TMEM119: variants seen among roughly 807,000 people sequenced by gnomAD.
TMEM119 encodes transmembrane protein 119.
For synonymous variants in TMEM119, 182 were observed against 176.4 expected, an observed-to-expected ratio of 1.03 and a Z score of -0.25; for missense variants, 410 against 381.0, an observed-to-expected ratio of 1.08 and a Z score of -0.63.
Position 108,591,101 on chromosome 12 carries a change from G to A in TMEM119, c.*431C>T, listed in dbSNP as rs1231593097. 1 of 158,988 alleles carries A rather than the reference G, an allele frequency of 6.3e-6. No homozygotes were observed. The highest frequency in any genetic ancestry group is 1.4e-5 in the Non-Finnish European group (1 of 72,988). The allele number at this position is 158,988 out of a possible 1,614,324, so 9.8% of individuals were successfully genotyped here. On this transcript the variant is annotated 3_prime_UTR_variant, in exon 2 of 2. Transcript: ENST00000392806. This position sits in a 1 kb window ranked among gnomAD's most constrained non-coding sequence, Gnocchi z 4.2. ...TGGCTGATTTAGTGGACTGTTTTTT[G>A]TTTTTATAGAGATGGGTCTCACAAT...
At position 108,591,995 on chromosome 12, in the gene TMEM119, G is replaced by A. The variant is rs1389003638; in HGVS notation, c.389C>T (p.Ser130Leu). ...CACGTACTTCTTCTTGGGGAAGGAC[G>A]ATGGGTAATAGGCCGAGGCCTTCTG... ...QKQKASAYYP[S>L]SFPKKKYVDQ... Residue 130 changes from serine (S) to leucine (L), a missense_variant, in exon 2 of 2, where the codon TCG becomes TTG. Physicochemically the swap from Ser to Leu is moderately radical, Grantham distance 145. Coordinates refer to ENST00000392806, the MANE Select transcript of TMEM119 (RefSeq NM_181724.3). This position sits in a 1 kb window ranked among gnomAD's most constrained non-coding sequence, Gnocchi z 4.2. The A allele has an allele frequency of 4.3e-6, 7 of 1,613,622 alleles. No homozygotes were observed. Among genetic ancestry groups the A allele is most frequent in the Admixed American group, 1.7e-5 (1 of 59,942 alleles).
chr12:108,593,891 G>C (rs188289897), intron 1 of TMEM119, among the ~76,000 whole-genome samples: 1 of 152,342 alleles, frequency 6.6e-6, no homozygotes, highest in African/African-American at 2.4e-5. Flanking sequence ...ACCCCTGCCC[G>C]GCCCAGCAGA....
rs371896042 is a variant in TMEM119 at position 108,591,773 on chromosome 12, C to A, written c.611G>T (p.Gly204Val). The A allele has an allele frequency of 1.3e-6, 2 of 1,594,598 alleles. No individual in the cohort carries two copies. The highest frequency in any genetic ancestry group is 1.7e-6 in the Non-Finnish European group (2 of 1,169,534). ...GDGARMVEGR[G>V]AEEEEKGSQE... Reference sequence around the variant, plus strand: ...GCTGCCCTTCTCCTCTTCCTCTGCGCCCCTGCCCTCCACCATCCTGGCTCC... The same window carrying A: ...GCTGCCCTTCTCCTCTTCCTCTGCGACCCTGCCCTCCACCATCCTGGCTCC... Residue 204 changes from glycine to valine, a missense_variant, in exon 2 of 2, where the codon GGC becomes GTC. Physicochemically the swap from Gly to Val is moderately radical, Grantham distance 109. Coordinates refer to ENST00000392806, the MANE Select transcript of TMEM119 (RefSeq NM_181724.3). This position sits in a 1 kb window ranked among gnomAD's most constrained non-coding sequence, Gnocchi z 4.2.
rs1592804659 is a variant in TMEM119 at position 108,591,472 on chromosome 12, T to A, written c.*60A>T. On this transcript the variant is annotated 3_prime_UTR_variant, in exon 2 of 2. Transcript: ENST00000392806. The surrounding 1 kb of genome is among the most constrained non-coding windows in gnomAD (Gnocchi z 4.2). ...GCAGTCAGGGCTGAAGGCCTTTTCA[T>A]ACACGGGGAGGTGACCACTTGGGGG... 4.0e-6 allele frequency: 6 copies of A among 1,508,564 alleles called. No homozygotes were observed. In the East Asian group the frequency reaches 1.4e-4, roughly 35 times the overall value. 93.4% of individuals were successfully genotyped at this position (1,508,564 alleles called of 1,614,324 possible). A position where few individuals can be genotyped will look rare whatever the true frequency, so the allele number is the denominator to read the frequency against.
chr12:108,591,448 C>A lies in TMEM119; in HGVS notation c.*84G>T. 1 of 1,432,514 alleles carries A rather than the reference C, an allele frequency of 7.0e-7. No homozygotes were observed. The highest frequency in any genetic ancestry group is 9.3e-7 in the Non-Finnish European group (1 of 1,074,784). 88.7% of individuals were successfully genotyped at this position (1,432,514 alleles called of 1,614,324 possible). On this transcript the variant is annotated 3_prime_UTR_variant, in exon 2 of 2. Transcript: ENST00000392806. This position sits in a 1 kb window ranked among gnomAD's most constrained non-coding sequence, Gnocchi z 4.2. ...AGGCCAAGGAGGGAGTGTCAGGAAG[C>A]AGTCAGGGCTGAAGGCCTTTTCATA...
Position 108,589,920 on chromosome 12 carries a change from G to C in TMEM119, c.*1612C>G, listed in dbSNP as rs1237253825. On this transcript the variant is annotated 3_prime_UTR_variant, in exon 2 of 2. Transcript: ENST00000392806. ...CTGGAGAGCTGTGCAGAGGTTGGGGGAGCCCCAGATGGAGGGATGGGGGAG... is the reference window on the plus strand; with the variant it reads ...CTGGAGAGCTGTGCAGAGGTTGGGGCAGCCCCAGATGGAGGGATGGGGGAG... 2.0e-5 allele frequency: 3 copies of C among 152,484 alleles called. No individual in the cohort carries two copies. The highest frequency in any genetic ancestry group is 7.2e-5 in the African/African-American group (3 of 41,458). The allele number at this position is 152,484 out of a possible 1,614,324, so 9.4% of individuals were successfully genotyped here. A position where few individuals can be genotyped will look rare whatever the true frequency, so the allele number is the denominator to read the frequency against.
In TMEM119 at chr12:108,596,649, C is replaced by T. The variant is rs138191242; in HGVS notation, c.-15+1321G>A. On this transcript the variant is annotated intron_variant, in intron 1 of 1. Coordinates refer to ENST00000392806, the MANE Select transcript of TMEM119 (RefSeq NM_181724.3). ...AAAAAGATGGTTGTGTGGCCCTGGACGGCCCCTGCCCTCTCTGGGCCTCAG... is the reference window on the plus strand; with the variant it reads ...AAAAAGATGGTTGTGTGGCCCTGGATGGCCCCTGCCCTCTCTGGGCCTCAG... Among the ~76,000 whole-genome samples, 332 of 152,354 alleles carry T rather than the reference C, an allele frequency of 2.2e-3. 1 individual carries two copies. Among genetic ancestry groups the T allele is most frequent in the African/African-American group, 7.0e-3 (293 of 41,578 alleles).
intron 1 of TMEM119, among the ~76,000 whole-genome samples, chr12:108,593,523 G>A (rs1399928759): frequency 6.6e-6 from 1 of 152,148 alleles, no homozygotes; most frequent in Non-Finnish European, 1.5e-5. Context: ...TGGATGCCAG[G>A]GGCATGCATG....
Position 108,591,645 on chromosome 12 carries a change from C to T in TMEM119, c.739G>A (p.Gly247Ser), listed in dbSNP as rs780315704. Residue 247 changes from glycine to serine, a missense_variant, in exon 2 of 2, where the codon GGT (glycine) becomes AGT (serine). Coordinates refer to ENST00000392806, the MANE Select transcript of TMEM119 (RefSeq NM_181724.3). The surrounding 1 kb of genome is among the most constrained non-coding windows in gnomAD (Gnocchi z 4.2). ...CCTTCCAGCTCCCCTTGGCCCTCAC[C>T]GGCCACCACAGCCCCCTCAAGGACC... The part of the protein sequence containing the change: ...SGVLEGAVVA[G>S]EGQGELEGSL... 11 of 1,613,836 alleles carry T rather than the reference C, an allele frequency of 6.8e-6. No homozygotes were observed. Among genetic ancestry groups the T allele is most frequent in the East Asian group, 2.2e-5 (1 of 44,886 alleles).
At position 108,591,869 on chromosome 12, in the gene TMEM119, A is replaced by T. The variant is rs760725692; in HGVS notation, c.515T>A (p.Leu172His). ...PEEALDSSRQ[L>H]QADILAATQN... ...GGTGGCGGCCAAGATGTCGGCCTGG[A>T]GCTGCCGGGAGGAATCCAGGGCTTC... Residue 172 changes from leucine (L) to histidine (H), a missense_variant, in exon 2 of 2, where the codon CTC (leucine) becomes CAC (histidine). Physicochemically the swap from Leu to His is moderately conservative, Grantham distance 99. Transcript: ENST00000392806. This position sits in a 1 kb window ranked among gnomAD's most constrained non-coding sequence, Gnocchi z 4.2. 3 of 1,608,108 alleles carry T rather than the reference A, an allele frequency of 1.9e-6. No individual in the cohort carries two copies. The highest frequency in any genetic ancestry group is 2.5e-6 in the Non-Finnish European group (3 of 1,177,408).
Position 108,591,911 on chromosome 12 carries a change from G to T in TMEM119, c.473C>A (p.Pro158His). 6.2e-7 allele frequency: 1 copy of T among 1,613,240 alleles called. No individual in the cohort carries two copies. The highest frequency in any genetic ancestry group is 1.1e-5 in the South Asian group (1 of 91,060). ...CAGGGCTTCCTCGGGCCTGCTGTCGGGGGCTCTGTCGGGGACCTCACTGAA... is the reference window on the plus strand; with the variant it reads ...CAGGGCTTCCTCGGGCCTGCTGTCGTGGGCTCTGTCGGGGACCTCACTGAA... Reference protein sequence around the residue: ...RAFSEVPDRAPDSRPEEALDS... With the variant: ...RAFSEVPDRAHDSRPEEALDS... The change falls in exon 2 of 2, where the codon CCC becomes CAC. Residue 158 changes from proline (P) to histidine (H), a missense_variant. Coordinates refer to ENST00000392806, the MANE Select transcript of TMEM119 (RefSeq NM_181724.3). The surrounding 1 kb of genome is among the most constrained non-coding windows in gnomAD (Gnocchi z 4.2).
intron 1 of TMEM119, among the ~76,000 whole-genome samples, chr12:108,596,246 C>T (rs905639080): frequency 1.3e-5 from 2 of 152,116 alleles, no homozygotes; most frequent in Non-Finnish European, 2.9e-5. Context: ...GCACCATCGC[C>T]GGATGGGAAC....
intron 1 of TMEM119, among the ~76,000 whole-genome samples, chr12:108,595,403 C>CCA (rs756201806): frequency 1.4e-5 from 2 of 143,534 alleles, no homozygotes; most frequent in African/African-American, 2.6e-5. Flanking sequence ...CACACACATA[C>CCA]CACACACACA....
Position 108,591,710 on chromosome 12 carries a change from G to A in TMEM119, c.674C>T (p.Pro225Leu), listed in dbSNP as rs763961410. 119 of 1,612,548 alleles carry A rather than the reference G, an allele frequency of 7.4e-5. 1 individual carries two copies. In the East Asian group the frequency reaches 2.6e-3, roughly 35 times the overall value. ...GDQEVQGHGVPVETPEAQEEP... is the reference protein window; with the variant it reads ...GDQEVQGHGVLVETPEAQEEP... ...CTCCTGCGCCTCTGGTGTCTCCACT[G>A]GGACCCCATGTCCCTGGACTTCCTG... Residue 225 changes from proline to leucine, a missense_variant, in exon 2 of 2, where the codon CCA (proline) becomes CTA (leucine). Pro to Leu is a moderately conservative substitution (Grantham distance 98). Coordinates refer to ENST00000392806, the MANE Select transcript of TMEM119 (RefSeq NM_181724.3). The surrounding 1 kb of genome is among the most constrained non-coding windows in gnomAD (Gnocchi z 4.2).
At position 108,591,753 on chromosome 12, in the gene TMEM119, C is replaced by T. The variant is rs1329176696; in HGVS notation, c.631G>A (p.Gly211Ser). Residue 211 changes from glycine to serine, a missense_variant, in exon 2 of 2, where the codon GGC (glycine) becomes AGC (serine). By Grantham distance (56) the Gly-to-Ser change is moderately conservative (BLOSUM62 0). Coordinates refer to ENST00000392806, the MANE Select transcript of TMEM119 (RefSeq NM_181724.3). The surrounding 1 kb of genome is among the most constrained non-coding windows in gnomAD (Gnocchi z 4.2). ...ACTTCCTGGTCCCCCTCCTGGCTGCCCTTCTCCTCTTCCTCTGCGCCCCTG... is the reference window on the plus strand; with the variant it reads ...ACTTCCTGGTCCCCCTCCTGGCTGCTCTTCTCCTCTTCCTCTGCGCCCCTG... ...EGRGAEEEEK[G>S]SQEGDQEVQG... is the part of the protein sequence containing the mutation. The T allele has an allele frequency of 1.9e-6, 3 of 1,602,222 alleles. No individual in the cohort carries two copies. The highest frequency in any genetic ancestry group is 2.2e-5 in the East Asian group (1 of 44,726).
Position 108,592,108 on chromosome 12 carries a change from G to T in TMEM119, c.276C>A (p.Arg92=), listed in dbSNP as rs1477109609. ...NFLDGIVDFF[R]QYVMLIAVVG... is the part of the protein sequence containing the mutation. ...CCACAGCAATCAGCATCACGTACTG[G>T]CGGAAGAAGTCCACTATCCCATCCA... Residue 92 remains arginine (R), a synonymous_variant, in exon 2 of 2, where the codon CGC becomes CGA. Coordinates refer to ENST00000392806, the MANE Select transcript of TMEM119 (RefSeq NM_181724.3). This position sits in a 1 kb window ranked among gnomAD's most constrained non-coding sequence, Gnocchi z 4.3. 1 of 1,614,190 alleles carries T rather than the reference G, an allele frequency of 6.2e-7. No homozygotes were observed. The highest frequency in any genetic ancestry group is 1.7e-5 in the Admixed American group (1 of 60,036).
Position 108,591,777 on chromosome 12 carries a change from T to C in TMEM119, c.607A>G (p.Arg203Gly). 1 of 1,594,042 alleles carries C rather than the reference T, an allele frequency of 6.3e-7. No homozygotes were observed. The highest frequency in any genetic ancestry group is 8.6e-7 in the Non-Finnish European group (1 of 1,169,226). The change falls in exon 2 of 2, where the codon AGG (arginine) becomes GGG (glycine). Residue 203 changes from arginine to glycine, a missense_variant. Coordinates refer to ENST00000392806, the MANE Select transcript of TMEM119 (RefSeq NM_181724.3). This position sits in a 1 kb window ranked among gnomAD's most constrained non-coding sequence, Gnocchi z 4.2. Reference sequence around the variant, plus strand: ...CCCTTCTCCTCTTCCTCTGCGCCCCTGCCCTCCACCATCCTGGCTCCGTCC... The same window carrying C: ...CCCTTCTCCTCTTCCTCTGCGCCCCCGCCCTCCACCATCCTGGCTCCGTCC... ...GGDGARMVEG[R>G]GAEEEEKGSQ...
chr12:108,595,170 C>T (rs377566597), intron 1 of TMEM119, among the ~76,000 whole-genome samples: 11 of 152,024 alleles, frequency 7.2e-5, no homozygotes, highest in Middle Eastern at 3.2e-3. Context: ...GGAGTTTACA[C>T]GCACATTCAC....
rs1454299211 is a variant in TMEM119, at chr12:108,592,226, C to T, written c.158G>A (p.Ser53Asn). ...GGCCGGGGTCCAGGGTGGCGGGAGG[C>T]TCGGGGAGGAGGCCGACGAGCCCTC... ...EAEGSSASSP[S>N]LPPPWTPALS... The change falls in exon 2 of 2, where the codon AGC becomes AAC. Residue 53 changes from serine to asparagine, a missense_variant. By Grantham distance (46) the Ser-to-Asn change is conservative. Transcript: ENST00000392806. This position sits in a 1 kb window ranked among gnomAD's most constrained non-coding sequence, Gnocchi z 4.3. 3 of 1,611,762 alleles carry T rather than the reference C, an allele frequency of 1.9e-6. No individual in the cohort carries two copies. The highest frequency in any genetic ancestry group is 4.5e-5 in the East Asian group (2 of 44,834).
Sources: allele counts gnomAD v4.1 joint callset (sites outside exome capture counted in the v4.1 genomes callset), GRCh38; gene constraint gnomAD v4.1.1; non-coding constraint Gnocchi (gnomAD v3.1); transcripts MANE v1.5; gene names NCBI Gene and HGNC (gene_info 2026-07-23, HGNC 2026-07-21).